Variants in DYM observed in about 807,000 individuals in gnomAD.
DYM encodes dyggve-Melchior-Clausen syndrome protein.
Under a neutral mutation model 93.1 loss-of-function variants are expected in DYM, and 78 were observed. The ratio of observed to expected loss-of-function variants is 0.84; its 90% CI spans 0.70 to 1.01. The LOEUF (loss-of-function observed/expected upper bound fraction) is 1.01. Ranked by LOEUF, DYM falls within the 50% of genes least tolerant of loss-of-function variation. DYM has a pLI of 0.00. For synonymous variants in DYM, 321 were observed against 319.7 expected (o/e 1.00, Z -0.04); for missense variants, 789 against 845.0 (o/e 0.93, Z 0.82).
rs2071051045 is a variant in DYM, at chr18:49,043,107, T to C, written c.*948A>G. 1 of 152,096 alleles carries C rather than the reference T, an allele frequency of 6.6e-6. No homozygotes were observed. Among genetic ancestry groups the C allele is most frequent in the African/African-American group, 2.4e-5 (1 of 41,408 alleles). The allele number at this position is 152,096 out of a possible 1,614,324, so 9.4% of individuals were successfully genotyped here. ...AAGTTAATCTGGGCTTCATGAGAAG[T>C]AGCCATTTTCTTTTTCTTTTCTTTC... On this transcript the variant is annotated 3_prime_UTR_variant, in exon 18 of 18. Transcript: ENST00000675505.
chr18:49,050,331 T>G (rs1226886199), intron 17 of DYM, among the ~76,000 whole-genome samples: 1 of 152,038 alleles, frequency 6.6e-6, no homozygotes, highest in Non-Finnish European at 1.5e-5. Flanking sequence ...CCTCAGGTGA[T>G]CTGCCTGCCT....
At chr18:49,124,313 G>C (rs1386604330) in intron 15 of DYM, among the ~76,000 whole-genome samples, 2 of 151,870 alleles carry the variant, frequency 1.3e-5, no homozygotes, top group African/African-American at 4.8e-5. Flanking sequence ...AAAGCAGTTT[G>C]GGCAACTGAG....
Position 49,156,171 on chromosome 18 carries a change from T to C in DYM, c.1728+7514A>G, listed in dbSNP as rs543421555. The stretch of plus-strand genomic sequence containing the variant: ...TGTTGAGTATATTTTGATGTGCTAA[T>C]TGGCCACTTTTTATATCTTCTTTGG... On this transcript the variant is annotated intron_variant, in intron 15 of 17. Transcript: ENST00000675505. 7.4e-4 allele frequency among the ~76,000 whole-genome samples: 113 copies of C among 152,372 alleles called. 2 individuals are homozygous for C. Among genetic ancestry groups the C allele is most frequent in the African/African-American group, 2.7e-3 (112 of 41,592 alleles).
At chr18:49,208,893 G>A (rs914754908) in intron 14 of DYM, 2 of 151,874 alleles carry the variant, frequency 1.3e-5, no homozygotes, top group African/African-American at 4.8e-5. Context: ...TTTGGTGCAC[G>A]ATAAACACAA....
At chr18:49,339,803 C>A (rs1021830040) in intron 6 of DYM, among the ~76,000 whole-genome samples, 1 of 152,126 alleles carries the variant, frequency 6.6e-6, no homozygotes, top group African/African-American at 2.4e-5. Context: ...TTTTATGCAG[C>A]AATAGATGAA....
At chr18:49,115,234 GTGGTTTAAA>G (rs1300914278) in intron 16 of DYM, among the ~76,000 whole-genome samples, 2 of 152,150 alleles carry the variant, frequency 1.3e-5, no homozygotes, top group African/African-American at 4.8e-5. Context: ...GGCTTTTGAT[GTGGTTTAAA>G]TAAAATGTTA....
chr18:49,068,822 T>G (rs2076668951), intron 17 of DYM, among the ~76,000 whole-genome samples: 1 of 152,244 alleles, frequency 6.6e-6, no homozygotes, highest in South Asian at 2.1e-4. Flanking sequence ...CCATCTTTTT[T>G]ATTCTACTGG....
rs189785682 is a variant in DYM, at chr18:49,313,027, T to C, written c.763+18837A>G. On this transcript the variant is annotated intron_variant, in intron 8 of 17. Coordinates refer to ENST00000675505, the MANE Select transcript of DYM (RefSeq NM_001353214.3). ...GAAGCTATCAGAAGCATTTAAACCA[T>C]AGCAACTCCATCTTGAATAGGAGCT... Among the ~76,000 whole-genome samples the C allele has an allele frequency of 2.5e-4, 38 of 152,256 alleles. No homozygotes were observed. In the East Asian group the frequency reaches 7.4e-3, roughly 30 times the overall value.
intron 6 of DYM, among the ~76,000 whole-genome samples, chr18:49,361,875 G>A (rs764119990): frequency 3.9e-5 from 6 of 152,024 alleles, no homozygotes; most frequent in Admixed American, 6.6e-5. Context: ...ACAGGCATGC[G>A]CCACCACGCC....
intron 16 of DYM, among the ~76,000 whole-genome samples, chr18:49,112,197 G>T (rs891288233): frequency 4.4e-5 from 6 of 135,278 alleles, no homozygotes; most frequent in African/African-American, 1.5e-4. Flanking sequence ...AGAAAGGTCT[G>T]GCAGGGGAAT....
chr18:49,117,547 T>C (rs1680971948), intron 16 of DYM, among the ~76,000 whole-genome samples: 1 of 152,174 alleles, frequency 6.6e-6, no homozygotes, highest in South Asian at 2.1e-4. Context: ...TTATCTATTA[T>C]TAATATATAT....
intron 6 of DYM, among the ~76,000 whole-genome samples, chr18:49,344,284 A>C (rs559278847): frequency 6.6e-6 from 1 of 152,232 alleles, no homozygotes; most frequent in South Asian, 2.1e-4. Context: ...CCTCGTTACC[A>C]CGTTCCCTCA....
chr18:49,351,100 T>C (rs2147165230), intron 6 of DYM, among the ~76,000 whole-genome samples: 1 of 152,144 alleles, frequency 6.6e-6, no homozygotes, highest in East Asian at 1.9e-4. Context: ...AGTATCTGAC[T>C]TGAACATGAG....
chr18:49,097,240 T>G, intron 17 of DYM, 162 bp downstream of exon 17: 1 of 681,464 alleles, frequency 1.5e-6, no homozygotes, highest in Non-Finnish European at 2.6e-6. Context: ...GTATTAATGC[T>G]TCTTTTGAAA....
At chr18:49,313,302 A>G (rs1301624355) in intron 8 of DYM, among the ~76,000 whole-genome samples, 1 of 151,736 alleles carries the variant, frequency 6.6e-6, no homozygotes, top group Non-Finnish European at 1.5e-5. Flanking sequence ...CATCTCTACT[A>G]AAAATACAAA....
In DYM at chr18:49,043,831, GT is replaced by G; in HGVS notation, c.*223del. 1 of 583,844 alleles carries G rather than the reference GT, an allele frequency of 1.7e-6. No homozygotes were observed. Among genetic ancestry groups the G allele is most frequent in the Non-Finnish European group, 3.0e-6 (1 of 329,208 alleles). The allele number at this position is 583,844 out of a possible 1,614,324, so 36.2% of individuals were successfully genotyped here. A position where few individuals can be genotyped will look rare whatever the true frequency, so the allele number is the denominator to read the frequency against. On this transcript the variant is annotated 3_prime_UTR_variant, in exon 18 of 18. Coordinates refer to ENST00000675505, the MANE Select transcript of DYM (RefSeq NM_001353214.3). Reference sequence around the variant, plus strand: ...ATAGCAGGTTTTTACATTTATTATTGTTGTGTATTTCCTCCCCTTTTTGCAA... The same window carrying G: ...ATAGCAGGTTTTTACATTTATTATTGTGTGTATTTCCTCCCCTTTTTGCAA...
At position 49,300,149 on chromosome 18, in the gene DYM, A is replaced by G. The variant is rs200383283; in HGVS notation, c.764-13533T>C. On this transcript the variant is annotated intron_variant, in intron 8 of 17. Transcript: ENST00000675505. ...TATTTGTATGAAATTCTTTCTCCAT[A>G]TAAAAATCAAGATTGAAGCCTGAAT... Among the ~76,000 whole-genome samples, 5 of 149,048 alleles carry G rather than the reference A, an allele frequency of 3.4e-5. No individual in the cohort carries two copies. In the East Asian group the frequency reaches 9.7e-4, roughly 29 times the overall value.
chr18:49,270,596 A>G (rs1302365678), intron 11 of DYM, among the ~76,000 whole-genome samples: 2 of 152,170 alleles, frequency 1.3e-5, no homozygotes, highest in African/African-American at 4.8e-5. Flanking sequence ...AAAGGAGGTA[A>G]CTATGTGAGA....
intron 8 of DYM, among the ~76,000 whole-genome samples, chr18:49,311,816 G>A (rs2061609832): frequency 6.6e-6 from 1 of 151,274 alleles, no homozygotes; most frequent in Admixed American, 6.6e-5. Context: ...CATGGCACAT[G>A]TATACATATG....
Sources: gnomAD v4.1 joint callset for allele counts (sites outside exome capture counted in the v4.1 genomes callset) on GRCh38, gnomAD v4.1.1 for gene constraint, MANE v1.5 for transcripts, NCBI Gene and HGNC (gene_info 2026-07-23, HGNC 2026-07-21) for gene names.